The following CLCN6 variants were observed in gnomAD, a reference collection of about 807,000 sequenced individuals.
CLCN6 encodes H(+)/Cl(-) exchange transporter 6.
In CLCN6, 70 loss-of-function variants were observed where a neutral mutation model predicts 109.8. The observed-to-expected ratio is 0.64, with a 90% confidence interval of 0.53 to 0.78. CLCN6 has a LOEUF of 0.78. Ranked by LOEUF, CLCN6 falls within the 30% of genes least tolerant of loss-of-function variation. CLCN6 has a pLI of 0.00. For synonymous variants in CLCN6, 444 were observed against 447.8 expected, an observed-to-expected ratio of 0.99 and a Z score of 0.11; for missense variants, 984 against 1,142.3, an observed-to-expected ratio of 0.86 and a Z score of 2.00.
At chr1:11,832,889 G>A (rs1388569232) in intron 13 of CLCN6, among the ~76,000 whole-genome samples, 1 of 152,182 alleles carries the variant, frequency 6.6e-6, no homozygotes, top group Non-Finnish European at 1.5e-5. Context: ...AGAAGTAGTA[G>A]AAGAAATAAT....
Position 11,806,207 on chromosome 1 carries a change from G to A in CLCN6, c.-56G>A, listed in dbSNP as rs1644504433. ...CCCGGGGCCAGTCACGTGAGGCGCA[G>A]ATCCTGGCTGGGAGGGGGTTGGTAG... On this transcript the variant is annotated 5_prime_UTR_variant, in exon 1 of 23. Transcript: ENST00000346436. 9 of 1,377,986 alleles carry A rather than the reference G, an allele frequency of 6.5e-6. No individual in the cohort carries two copies. The highest frequency in any genetic ancestry group is 8.5e-6 in the Non-Finnish European group (9 of 1,057,378). 85.4% of individuals were successfully genotyped at this position (1,377,986 alleles called of 1,614,324 possible). A position where few individuals can be genotyped will look rare whatever the true frequency, so the allele number is the denominator to read the frequency against.
rs1347001730 is a variant in CLCN6 at position 11,834,783 on chromosome 1, A to G, written c.1793+193A>G. Reference sequence around the variant, plus strand: ...GGGCTGCGGGGGCAGGGCAGGGGACACGGGCACTGTGGGACTGCAGTGGGC... The same window carrying G: ...GGGCTGCGGGGGCAGGGCAGGGGACGCGGGCACTGTGGGACTGCAGTGGGC... On this transcript the variant is annotated intron_variant, in intron 17 of 22. Transcript: ENST00000346436. The surrounding 1 kb of genome is among the most constrained non-coding windows in gnomAD (Gnocchi z 4.5). 2.6e-5 allele frequency among the ~76,000 whole-genome samples: 4 copies of G among 152,146 alleles called. No homozygotes were observed. The highest frequency in any genetic ancestry group is 1.5e-5 in the Non-Finnish European group (1 of 68,014).
rs1252391264 is a variant in CLCN6, at chr1:11,838,351, G to A, written c.2312G>A (p.Arg771His). Residue 771 changes from arginine (R) to histidine (H), a missense_variant, in exon 21 of 23, where the codon CGC becomes CAC. Physicochemically the swap from Arg to His is conservative, Grantham distance 29. Coordinates refer to ENST00000346436, the MANE Select transcript of CLCN6 (RefSeq NM_001286.5). ...SESQSSASQPRLSYAEMAEDY... is the reference protein window; with the variant it reads ...SESQSSASQPHLSYAEMAEDY... ...GAATTGCAGAGCGCCAGCCAGCCGC[G>A]CCTCTCCTATGCCGAGATGGCCGAG... The A allele has an allele frequency of 5.0e-6, 8 of 1,613,810 alleles. No individual in the cohort carries two copies. The highest frequency in any genetic ancestry group is 4.5e-5 in the East Asian group (2 of 44,882).
At chr1:11,813,730 T>C (rs17037429) in intron 2 of CLCN6, among the ~76,000 whole-genome samples, 27,219 of 152,142 alleles carry the variant, frequency 0.18, 2,645 homozygotes, top group African/African-American at 0.26. Flanking sequence ...CCATTTGTGC[T>C]ATGAGAATTT....
intron 4 of CLCN6, among the ~76,000 whole-genome samples, chr1:11,817,792 G>T (rs1486660960): frequency 6.6e-6 from 1 of 152,170 alleles, no homozygotes. Context: ...TATAGCCACA[G>T]GGGCCAACCA....
intron 10 of CLCN6, 35 bp from the exon 11 acceptor site, chr1:11,828,071 C>G: frequency 2.0e-6 from 3 of 1,524,046 alleles, no homozygotes; most frequent in Non-Finnish European, 2.7e-6. Context: ...CATGCCACTC[C>G]TGAACCTTCT....
chr1:11,814,831 G>A (rs535186752), intron 2 of CLCN6, among the ~76,000 whole-genome samples: 1 of 152,014 alleles, frequency 6.6e-6, no homozygotes, highest in Non-Finnish European at 1.5e-5. Flanking sequence ...AGGAGATCGA[G>A]ACCATCCTGG....
Position 11,840,604 on chromosome 1 carries a change from C to T in CLCN6, c.*381C>T. On this transcript the variant is annotated 3_prime_UTR_variant, in exon 23 of 23. Transcript: ENST00000346436. ...ACTTTCCTAGAGAACCCGGCTGTTG[C>T]CTTAAATGTGTGAGAGGGACTTGGC... The T allele has an allele frequency of 3.2e-6, 1 of 315,994 alleles. No individual in the cohort carries two copies. The highest frequency in any genetic ancestry group is 3.5e-5 in the South Asian group (1 of 28,792). 19.6% of individuals were successfully genotyped at this position (315,994 alleles called of 1,614,324 possible). A position where few individuals can be genotyped will look rare whatever the true frequency, so the allele number is the denominator to read the frequency against.
intron 13 of CLCN6, among the ~76,000 whole-genome samples, chr1:11,831,645 A>G (rs1644886078): frequency 1.3e-5 from 2 of 152,352 alleles, no homozygotes; most frequent in South Asian, 4.1e-4. Flanking sequence ...AAAGCATACA[A>G]AAAACGATTC....
intron 2 of CLCN6, among the ~76,000 whole-genome samples, chr1:11,812,261 A>T (rs1400414581): frequency 2.6e-5 from 4 of 152,218 alleles, no homozygotes; most frequent in Non-Finnish European, 5.9e-5. Flanking sequence ...TAGTTTATTA[A>T]TAAAGGATAT....
In CLCN6 at chr1:11,840,718, A is replaced by G. The variant is rs1394076588; in HGVS notation, c.*495A>G. ...GCACTGAGAAAATTCTCAATATTTC[A>G]GAGAGTCCTTCCCTTATTTGGGACT... On this transcript the variant is annotated 3_prime_UTR_variant, in exon 23 of 23. Transcript: ENST00000346436. 5.1e-6 allele frequency: 1 copy of G among 196,634 alleles called. No individual in the cohort carries two copies. 12.2% of individuals were successfully genotyped at this position (196,634 alleles called of 1,614,324 possible).
chr1:11,821,104 CAAAAT>C (rs1313288880), intron 5 of CLCN6, among the ~76,000 whole-genome samples: 8 of 146,398 alleles, frequency 5.5e-5, no homozygotes, highest in African/African-American at 2.0e-4. Context: ...AAAAAACAAA[CAAAAT>C]CAATAAATTT....
chr1:11,824,286 A>G (rs572565341), intron 7 of CLCN6, among the ~76,000 whole-genome samples, 200 bp from the exon 8 acceptor site: 88 of 152,358 alleles, frequency 5.8e-4, no homozygotes, highest in African/African-American at 1.9e-3. Flanking sequence ...TTGCTGACAC[A>G]CAATTTAGAA....
chr1:11,816,787 T>A, intron 4 of CLCN6, 107 bp downstream of exon 4: 1 of 729,874 alleles, frequency 1.4e-6, no homozygotes, highest in Non-Finnish European at 2.2e-6. Flanking sequence ...ATAACATTTA[T>A]AACATTATAA....
chr1:11,829,508 C>T (rs1197586161), intron 13 of CLCN6, among the ~76,000 whole-genome samples, 186 bp downstream of exon 13: 1 of 152,176 alleles, frequency 6.6e-6, no homozygotes, highest in Non-Finnish European at 1.5e-5. Flanking sequence ...CACCACATGC[C>T]CTGTGTCTTT....
In CLCN6 at chr1:11,833,940, C is replaced by T. The variant is rs1644910939; in HGVS notation, c.1436C>T (p.Thr479Ile). 4 of 1,613,954 alleles carry T rather than the reference C, an allele frequency of 2.5e-6. No individual in the cohort carries two copies. Among genetic ancestry groups the T allele is most frequent in the African/African-American group, 1.3e-5 (1 of 74,916 alleles). Residue 479 changes from threonine (T) to isoleucine (I), a missense_variant, in exon 15 of 23, where the codon ACT becomes ATT. Thr to Ile is a moderately conservative substitution (Grantham distance 89). Transcript: ENST00000346436. Reference protein sequence around the residue: ...FVLYFLLACWTYGISVPSGLF... With the variant: ...FVLYFLLACWIYGISVPSGLF... ...CTCTATTTCTTGCTTGCATGTTGGA[C>T]TTACGGCATTTCTGTTCCAAGTGGC...
Position 11,837,556 on chromosome 1 carries a change from TGGG to T in CLCN6, c.2295+58_2295+60del, listed in dbSNP as rs1344790782. 1.9e-6 allele frequency: 3 copies of T among 1,568,682 alleles called. No homozygotes were observed. In the African/African-American group the frequency reaches 4.1e-5, roughly 21 times the overall value. Reference sequence around the variant, plus strand: ...CCAGACCTGACGAAGCTCGAGGGGTTGGGCGCTGCCGGCGGGCCGTGAACAGTG... The same window carrying T: ...CCAGACCTGACGAAGCTCGAGGGGTTCGCTGCCGGCGGGCCGTGAACAGTG... On this transcript the variant is annotated intron_variant, in intron 20 of 22. Transcript: ENST00000346436.
At position 11,823,717 on chromosome 1, in the gene CLCN6, C is replaced by T. The variant is rs1466216075; in HGVS notation, c.464C>T (p.Ala155Val). 1 of 1,614,184 alleles carries T rather than the reference C, an allele frequency of 6.2e-7. No individual in the cohort carries two copies. The highest frequency in any genetic ancestry group is 1.7e-5 in the Admixed American group (1 of 60,026). The change falls in exon 7 of 23, where the codon GCA (alanine) becomes GTA (valine). Residue 155 changes from alanine (A) to valine (V), a missense_variant. Ala to Val is a moderately conservative substitution (Grantham distance 64). Coordinates refer to ENST00000346436, the MANE Select transcript of CLCN6 (RefSeq NM_001286.5). ...SLLVLIEPVA[A>V]GSGIPEVKCY... ...GCTCTCCTCCATCAGCCGGTGGCAGCAGGTTCCGGGATACCCGAGGTCAAA... is the reference window on the plus strand; with the variant it reads ...GCTCTCCTCCATCAGCCGGTGGCAGTAGGTTCCGGGATACCCGAGGTCAAA...
chr1:11,838,433 C>T lies in CLCN6; in HGVS notation c.2394C>T (p.Arg798=), dbSNP rs1644977378. The change falls in exon 21 of 23, where the codon CGC becomes CGT. Residue 798 remains arginine (R), a synonymous_variant. Coordinates refer to ENST00000346436, the MANE Select transcript of CLCN6 (RefSeq NM_001286.5). ...TGGACCTGACGCTGCTCAACCCGCG[C>T]ATGATCGTGGTGAGAAGGGCTGCCC... ...HDLDLTLLNP[R]MIVDVTPYMN... 6.2e-7 allele frequency: 1 copy of T among 1,614,040 alleles called. No homozygotes were observed. Among genetic ancestry groups the T allele is most frequent in the Non-Finnish European group, 8.5e-7 (1 of 1,180,040 alleles).
Sources: allele counts gnomAD v4.1 joint callset (sites outside exome capture counted in the v4.1 genomes callset), GRCh38; gene constraint gnomAD v4.1.1; non-coding constraint Gnocchi (gnomAD v3.1); transcripts MANE v1.5; gene names NCBI Gene and HGNC (gene_info 2026-07-23, HGNC 2026-07-21).